BRF1: variants seen among roughly 807,000 people sequenced by gnomAD.
BRF1 encodes the protein transcription factor IIIB 90 kDa subunit.
Under a neutral mutation model 81.7 loss-of-function variants are expected in BRF1, and 59 were observed. The ratio of observed to expected loss-of-function variants is 0.72; its 90% confidence interval spans 0.59 to 0.90. The LOEUF is 0.90. Ranked by LOEUF, BRF1 falls within the 40% of genes least tolerant of loss-of-function variation. The probability of loss-of-function intolerance (pLI) is 0.00; values close to 1 mark genes in which losing one functional copy is unlikely to be tolerated. For synonymous variants in BRF1, 491 were observed against 395.6 expected, an observed-to-expected ratio of 1.24 and a Z score of -2.86; for missense variants, 1,050 against 936.3, an observed-to-expected ratio of 1.12 and a Z score of -1.58.
intron 3 of BRF1, among the ~76,000 whole-genome samples, chr14:105,265,011 G>C (rs2056337839): frequency 6.7e-6 from 1 of 150,146 alleles, no homozygotes; most frequent in South Asian, 2.1e-4. Context: ...CTCCAACGTA[G>C]ACAAAAGACA....
chr14:105,282,935 A>AAAAC (rs587681186), intron 2 of BRF1, among the ~76,000 whole-genome samples: 7 of 152,296 alleles, frequency 4.6e-5, no homozygotes, highest in Admixed American at 3.9e-4. Flanking sequence ...TCCATCTCAA[A>AAAAC]AAACAAACAA....
chr14:105,260,077 T>G (rs2056076376), intron 3 of BRF1, among the ~76,000 whole-genome samples: 1 of 152,220 alleles, frequency 6.6e-6, no homozygotes, highest in Non-Finnish European at 1.5e-5. Flanking sequence ...CACAGAGCCC[T>G]GCTCTGGGCT....
chr14:105,224,178 G>C (rs1308752377), intron 10 of BRF1, among the ~76,000 whole-genome samples: 1 of 152,220 alleles, frequency 6.6e-6, no homozygotes, highest in Non-Finnish European at 1.5e-5. Context: ...AGATCAGCCT[G>C]GCCAACGTGG....
chr14:105,272,836 G>A lies in BRF1; in HGVS notation c.324C>T (p.Asp108=), dbSNP rs1018522352. The change falls in exon 3 of 18, where the codon GAC becomes GAT. Residue 108 remains aspartate, a synonymous_variant. Coordinates refer to ENST00000547530, the MANE Select transcript of BRF1 (RefSeq NM_001519.4). ...NQLQLNQHCL[D]TAFNFFKMAV... is the part of the protein sequence containing the mutation. ...CCATCTTGAAGAAGTTGAAGGCGGT[G>A]TCCAGGCAGTGCTGGTTCAGCTGCA... is the stretch of plus-strand genomic sequence containing the variant. The A allele has an allele frequency of 2.0e-5, 32 of 1,614,082 alleles. No homozygotes were observed. The highest frequency in any genetic ancestry group is 2.7e-5 in the Non-Finnish European group (32 of 1,180,004).
At chr14:105,212,763 A>AG in intron 15 of BRF1, 1 of 153,072 alleles carries the variant, frequency 6.5e-6, no homozygotes, top group Non-Finnish European at 1.5e-5. Context: ...GGGCAATGAG[A>AG]GGGCTCAGGG....
intron 5 of BRF1, among the ~76,000 whole-genome samples, chr14:105,246,493 G>A (rs903209721): frequency 6.6e-6 from 1 of 151,744 alleles, no homozygotes; most frequent in Non-Finnish European, 1.5e-5. Flanking sequence ...CCTGGTCAAC[G>A]GAGTCTCGCT....
chr14:105,249,874 G>T, intron 5 of BRF1: 2 of 1,612,128 alleles, frequency 1.2e-6, no homozygotes, highest in Non-Finnish European at 8.5e-7. Flanking sequence ...TGGCCCTACG[G>T]TCCGAAGGCT....
At chr14:105,211,466 G>A in intron 16 of BRF1, 173 bp from the exon 17 acceptor site, 2 of 605,424 alleles carry the variant, frequency 3.3e-6, no homozygotes, top group Non-Finnish European at 5.7e-6. Context: ...CCTCCTGGGG[G>A]CTGTGCCATG....
At chr14:105,285,066 T>C (rs2057265602) in intron 2 of BRF1, among the ~76,000 whole-genome samples, 1 of 152,234 alleles carries the variant, frequency 6.6e-6, no homozygotes, top group African/African-American at 2.4e-5. Context: ...CAGAAGACTT[T>C]ACACTGTTTA....
At chr14:105,270,103 T>C (rs1484052728) in intron 3 of BRF1, among the ~76,000 whole-genome samples, 1 of 152,044 alleles carries the variant, frequency 6.6e-6, no homozygotes, top group African/African-American at 2.4e-5. Context: ...GCATCATCCC[T>C]GTCCCTAAAG....
chr14:105,282,825 C>T (rs368601572), intron 2 of BRF1, among the ~76,000 whole-genome samples: 9 of 152,188 alleles, frequency 5.9e-5, no homozygotes, highest in African/African-American at 9.6e-5. Context: ...TCCAGCTACT[C>T]GGGAGGCTGA....
chr14:105,289,419 G>A (rs906690425), intron 1 of BRF1, among the ~76,000 whole-genome samples: 4 of 152,210 alleles, frequency 2.6e-5, no homozygotes, highest in African/African-American at 9.6e-5. Context: ...GACCTGGCAG[G>A]GCCACAGTGA....
At chr14:105,283,448 C>T (rs888161366) in intron 2 of BRF1, among the ~76,000 whole-genome samples, 2 of 152,126 alleles carry the variant, frequency 1.3e-5, no homozygotes, top group Admixed American at 1.3e-4. Context: ...CCCAGTAAGA[C>T]TCAAGAGGGG....
chr14:105,250,728 C>CTGGCCGGGCGCGGTGGCTCACGCCTG, intron 5 of BRF1: 1 of 1,516,522 alleles, frequency 6.6e-7, no homozygotes, highest in African/African-American at 1.4e-5. Flanking sequence ...AGTCAAGATG[C>CTGGCCGGGCGCGGTGGCTCACGCCTG]TAACTGCTTC....
chr14:105,266,873 G>A (rs587692966), intron 3 of BRF1, among the ~76,000 whole-genome samples: 14 of 152,070 alleles, frequency 9.2e-5, no homozygotes, highest in African/African-American at 1.2e-4. Context: ...GCAAAACCCC[G>A]TCGCCACAAA....
intron 1 of BRF1, among the ~76,000 whole-genome samples, chr14:105,293,811 C>CT: frequency 6.6e-6 from 1 of 152,354 alleles, no homozygotes; most frequent in Non-Finnish European, 1.5e-5. Context: ...TCTGGGGACT[C>CT]TCCTGAGGCC....
chr14:105,229,200 C>T (rs587605297), intron 6 of BRF1, among the ~76,000 whole-genome samples: 6 of 152,340 alleles, frequency 3.9e-5, no homozygotes, highest in African/African-American at 1.2e-4. Context: ...CAAACTAACT[C>T]TAAGATGACT....
At chr14:105,219,294 T>G (rs1033361649) in intron 12 of BRF1, 62 bp from the exon 13 acceptor site, 1 of 1,596,738 alleles carries the variant, frequency 6.3e-7, no homozygotes, top group Non-Finnish European at 8.6e-7. Context: ...CATGCTAAGG[T>G]CGCGCTGGCC....
chr14:105,241,134 G>T, intron 6 of BRF1, 131 bp downstream of exon 6: 4 of 1,437,288 alleles, frequency 2.8e-6, no homozygotes, highest in Middle Eastern at 2.6e-4. Context: ...GCCAGAGTCA[G>T]CCCCGGGAGG....
Sources: gnomAD v4.1 joint callset for allele counts (sites outside exome capture counted in the v4.1 genomes callset) on GRCh38, gnomAD v4.1.1 for gene constraint, MANE v1.5 for transcripts, NCBI Gene and HGNC (gene_info 2026-07-23, HGNC 2026-07-21) for gene names.